SEL1L3: variants seen among roughly 807,000 people sequenced by gnomAD.
The protein encoded by SEL1L3 is protein sel-1 homolog 3.
In SEL1L3, 76 loss-of-function variants were observed where a neutral mutation model predicts 142.8. The observed-to-expected ratio is 0.53, with a 90% CI of 0.44 to 0.64. The LOEUF is 0.64. Ranked by LOEUF, SEL1L3 falls within the 30% of genes least tolerant of loss-of-function variation. SEL1L3 has a pLI of 0.00. For missense variants in SEL1L3, 1,262 were observed against 1,381.7 expected, an observed-to-expected ratio of 0.91 and a Z score of 1.37; for synonymous variants, 504 against 519.6, an observed-to-expected ratio of 0.97 and a Z score of 0.41.
chr4:25,785,346 T>A (rs962483326), intron 13 of SEL1L3, among the ~76,000 whole-genome samples: 2 of 152,216 alleles, frequency 1.3e-5, no homozygotes, highest in Non-Finnish European at 1.5e-5. Flanking sequence ...CTGAGAAATA[T>A]GCCCTTAGTC....
chr4:25,742,809 C>T (rs6823673), downstream of SEL1L3, among the ~76,000 whole-genome samples: 108,028 of 151,822 alleles, frequency 0.71, 38,496 homozygotes, highest in East Asian at 0.79. Context: ...GGATACTTTA[C>T]TGAGACTCCA....
At chr4:25,785,839 T>G (rs1454752265) in intron 13 of SEL1L3, among the ~76,000 whole-genome samples, 4 of 152,132 alleles carry the variant, frequency 2.6e-5, no homozygotes, top group Non-Finnish European at 4.4e-5. Flanking sequence ...TTTTTTGTTT[T>G]GAAGAAATAA....
chr4:25,800,668 TA>T (rs1171200845), intron 11 of SEL1L3, among the ~76,000 whole-genome samples: 2 of 152,024 alleles, frequency 1.3e-5, no homozygotes, highest in Non-Finnish European at 2.9e-5. Flanking sequence ...ATTCTTTTTT[TA>T]AAAAAAACTT....
At chr4:25,754,163 G>A (rs1470467377) in intron 23 of SEL1L3, among the ~76,000 whole-genome samples, 5 of 151,178 alleles carry the variant, frequency 3.3e-5, no homozygotes, top group Admixed American at 1.3e-4. Flanking sequence ...TTAGCCAGGC[G>A]TGGTGGCGCA....
intron 2 of SEL1L3, among the ~76,000 whole-genome samples, chr4:25,839,921 G>A (rs1266127703): frequency 1.3e-5 from 2 of 152,148 alleles, no homozygotes; most frequent in African/African-American, 4.8e-5. Context: ...CCGCTTCAAA[G>A]ACACAAAGTC....
chr4:25,831,653 G>A (rs1475931325), intron 5 of SEL1L3, among the ~76,000 whole-genome samples: 1 of 151,628 alleles, frequency 6.6e-6, no homozygotes, highest in Non-Finnish European at 1.5e-5. Flanking sequence ...AGCCTCCCAA[G>A]TAGCTGGGAT....
intron 9 of SEL1L3, among the ~76,000 whole-genome samples, chr4:25,813,853 T>C (rs780000511): frequency 3.3e-5 from 5 of 152,176 alleles, no homozygotes; most frequent in Non-Finnish European, 5.9e-5. Flanking sequence ...TGGACGGGAA[T>C]GTGGAGGACA....
At chr4:25,804,789 T>G (rs1488098846) in intron 9 of SEL1L3, 37 bp from the exon 10 acceptor site, 1 of 1,399,164 alleles carries the variant, frequency 7.1e-7, no homozygotes, top group African/African-American at 1.4e-5. Flanking sequence ...CACAATTAAT[T>G]ACCATGGGAT....
At chr4:25,763,712 C>G (rs573294010) in intron 20 of SEL1L3, among the ~76,000 whole-genome samples, 4 of 152,114 alleles carry the variant, frequency 2.6e-5, no homozygotes, top group East Asian at 1.9e-4. Context: ...GCCGGACATG[C>G]ACTTGTATTT....
chr4:25,757,576 T>C lies in SEL1L3; in HGVS notation c.3217A>G (p.Ile1073Val), dbSNP rs1394265658. The C allele has an allele frequency of 1.3e-6, 2 of 1,551,356 alleles. No homozygotes were observed. The highest frequency in any genetic ancestry group is 1.4e-5 in the African/African-American group (1 of 72,526). The change falls in exon 23 of 24, where the codon ATA (isoleucine) becomes GTA (valine). Residue 1073 changes from isoleucine to valine, a missense_variant. Ile to Val is a conservative substitution (Grantham distance 29). Coordinates refer to ENST00000399878, the MANE Select transcript of SEL1L3 (RefSeq NM_015187.5). ...IYFLGTFLLS[I>V]LIAWTVQYFQ... The stretch of plus-strand genomic sequence containing the variant: ...TACTGCACAGTCCAGGCGATCAATA[T>C]GGATAGCAGAAAGGTTCCCAGAAAG...
At chr4:25,804,792 C>T in intron 9 of SEL1L3, 40 bp from the exon 10 acceptor site, 1 of 1,404,378 alleles carries the variant, frequency 7.1e-7, no homozygotes, top group African/African-American at 1.4e-5. Flanking sequence ...AATTAATTAC[C>T]ATGGGATCGA....
Position 25,819,944 on chromosome 4 carries a change from C to T in SEL1L3, c.1291-4G>A, listed in dbSNP as rs376503988. On this transcript the variant is annotated splice_polypyrimidine_tract_variant and splice_region_variant and intron_variant, in intron 7 of 23. Transcript: ENST00000399878. ...TCTCAAGGAGGGGATTAAAAATCTA[C>T]AAGAAGGCAAGAAAGTCAAATGAAC... 13 of 1,607,192 alleles carry T rather than the reference C, an allele frequency of 8.1e-6. No homozygotes were observed. The Admixed American group carries it at 1.5e-4, about 19-fold the overall frequency.
chr4:25,800,607 T>TA (rs34283561), intron 11 of SEL1L3, among the ~76,000 whole-genome samples: 106 of 152,112 alleles, frequency 7.0e-4, no homozygotes, highest in East Asian at 1.7e-3. Context: ...CAGGCTTAGT[T>TA]AAAAAAAATA....
At chr4:25,821,200 G>A (rs1216328638) in intron 7 of SEL1L3, among the ~76,000 whole-genome samples, 1 of 152,114 alleles carries the variant, frequency 6.6e-6, no homozygotes, top group Non-Finnish European at 1.5e-5. Flanking sequence ...GTCTCACAGA[G>A]GCTGTAAGAT....
At position 25,862,819 on chromosome 4, in the gene SEL1L3, C is replaced by A; in HGVS notation, c.18G>T (p.Ala6=). The A allele has an allele frequency of 1.8e-6, 2 of 1,138,568 alleles. No individual in the cohort carries two copies. The highest frequency in any genetic ancestry group is 1.6e-5 in the African/African-American group (1 of 60,906). 70.5% of individuals were successfully genotyped at this position (1,138,568 alleles called of 1,614,324 possible). The stretch of plus-strand genomic sequence containing the variant: ...GCTGCTGCCGCGGCCACCCGAGCCC[C>A]GCGCCGCGCCGCTGCATGGCGAGGC... The part of the protein sequence containing the change: MQRRG[A]GLGWPRQQQQ... The change falls in exon 1 of 24, where the codon GCG becomes GCT. Residue 6 remains alanine, a synonymous_variant. Coordinates refer to ENST00000399878, the MANE Select transcript of SEL1L3 (RefSeq NM_015187.5).
At chr4:25,730,379 C>T in the SEL1L3 span, among the ~76,000 whole-genome samples, 49 of 151,838 alleles carry the variant, frequency 3.2e-4, no homozygotes, top group African/African-American at 1.1e-3. Context: ...TTCTGGATAT[C>T]GATGGGGATG....
At chr4:25,836,939 C>T (rs2109292217) in intron 2 of SEL1L3, among the ~76,000 whole-genome samples, 1 of 152,152 alleles carries the variant, frequency 6.6e-6, no homozygotes, top group South Asian at 2.1e-4. Context: ...AATCACAGGC[C>T]CTTGTGTATT....
chr4:25,810,386 G>A (rs1227839896), intron 9 of SEL1L3, among the ~76,000 whole-genome samples: 1 of 152,094 alleles, frequency 6.6e-6, no homozygotes, highest in East Asian at 1.9e-4. Context: ...CCTCTCACCA[G>A]CCCAGTCCTC....
chr4:25,714,555 C>CTTTCTTTCTTG, the SEL1L3 span, among the ~76,000 whole-genome samples: 15 of 65,866 alleles, frequency 2.3e-4, no homozygotes, highest in South Asian at 8.7e-4. Flanking sequence ...TTTCTTTCTT[C>CTTTCTTTCTTG]TTTCTTTCTT....
Sources: gnomAD v4.1 joint callset for allele counts (sites outside exome capture counted in the v4.1 genomes callset) on GRCh38, gnomAD v4.1.1 for gene constraint, MANE v1.5 for transcripts, NCBI Gene and HGNC (gene_info 2026-07-23, HGNC 2026-07-21) for gene names.